WDR7: variants seen among roughly 807,000 people sequenced by gnomAD.
WDR7 encodes the protein WD repeat domain 7.
In WDR7, 46 loss-of-function variants were observed where a neutral mutation model predicts 169.4. That is an observed-to-expected ratio of 0.27 (90% CI 0.21 to 0.35). The LOEUF is 0.35. Among genes scored for constraint, WDR7 ranks in the 10% least tolerant of loss-of-function variants. The probability of loss-of-function intolerance (pLI) is 1.00; values close to 1 mark genes in which losing one functional copy is unlikely to be tolerated. For synonymous variants in WDR7, 612 were observed against 666.8 expected (o/e 0.92, Z 1.27); for missense variants, 1,534 against 1,859.3 (o/e 0.83, Z 3.22).
chr18:56,909,003 T>C lies in WDR7; in HGVS notation c.3527-14919T>C, dbSNP rs77628699. 3.9e-3 allele frequency among the ~76,000 whole-genome samples: 589 copies of C among 152,294 alleles called. 3 individuals are homozygous for C. The highest frequency in any genetic ancestry group is 6.2e-3 in the South Asian group (30 of 4,824). On this transcript the variant is annotated intron_variant, in intron 21 of 27. Transcript: ENST00000254442. Reference sequence around the variant, plus strand: ...AAGGAACCGTTTATCTGTACATATGTACAGGAGTATGGAGGGAGAGGCATA... The same window carrying C: ...AAGGAACCGTTTATCTGTACATATGCACAGGAGTATGGAGGGAGAGGCATA...
At chr18:56,916,507 C>T (rs184925189) in intron 21 of WDR7, among the ~76,000 whole-genome samples, 8 of 152,002 alleles carry the variant, frequency 5.3e-5, no homozygotes, top group Non-Finnish European at 1.0e-4. Flanking sequence ...TTTCTTAATC[C>T]GGAACTTAGA....
chr18:56,960,326 CTAAG>C (rs747730798), intron 25 of WDR7, among the ~76,000 whole-genome samples: 2 of 152,098 alleles, frequency 1.3e-5, no homozygotes, highest in Non-Finnish European at 2.9e-5. Context: ...TCTAGTTTCA[CTAAG>C]TAAGATTTTG....
chr18:56,878,994 A>G (rs1295371097), intron 20 of WDR7, among the ~76,000 whole-genome samples: 1 of 152,200 alleles, frequency 6.6e-6, no homozygotes, highest in Non-Finnish European at 1.5e-5. Flanking sequence ...AAATACTGCG[A>G]TTACTTTTGC....
intron 14 of WDR7, among the ~76,000 whole-genome samples, chr18:56,746,605 A>AT (rs1225576155): frequency 6.6e-6 from 1 of 152,042 alleles, no homozygotes; most frequent in Non-Finnish European, 1.5e-5. Context: ...GGCTACCTGA[A>AT]TTTTTCAAGT....
chr18:56,862,310 T>C (rs2045817437), intron 20 of WDR7, among the ~76,000 whole-genome samples: 1 of 151,662 alleles, frequency 6.6e-6, no homozygotes, highest in Non-Finnish European at 1.5e-5. Context: ...TTATCAATAA[T>C]GTTTATGTTG....
chr18:56,774,249 A>G (rs2044208799), intron 16 of WDR7, among the ~76,000 whole-genome samples: 1 of 152,054 alleles, frequency 6.6e-6, no homozygotes, highest in Non-Finnish European at 1.5e-5. Flanking sequence ...TCAATTAAAA[A>G]CTCAAATATT....
intron 21 of WDR7, among the ~76,000 whole-genome samples, chr18:56,899,378 A>G (rs1406459308): frequency 1.3e-5 from 2 of 152,106 alleles, no homozygotes; most frequent in Non-Finnish European, 2.9e-5. Context: ...ACATGAAATA[A>G]AGTTGAAACA....
rs1206892671 is a variant in WDR7 at position 57,029,734 on chromosome 18, CTA to C, written c.*2529_*2530del. On this transcript the variant is annotated 3_prime_UTR_variant, in exon 28 of 28. Coordinates refer to ENST00000254442, the MANE Select transcript of WDR7 (RefSeq NM_015285.3). Reference sequence around the variant, plus strand: ...TCTTAATGATTCCACTTAATAGACTCTATGTGTGCTGAATGTTCCTGTGTACA... The same window carrying C: ...TCTTAATGATTCCACTTAATAGACTCTGTGTGCTGAATGTTCCTGTGTACA... 2.6e-5 allele frequency: 4 copies of C among 152,182 alleles called. No individual in the cohort carries two copies. Among genetic ancestry groups the C allele is most frequent in the East Asian group, 3.9e-4 (2 of 5,192 alleles). 9.4% of individuals were successfully genotyped at this position (152,182 alleles called of 1,614,324 possible).
chr18:56,852,797 C>T (rs1313913369), intron 20 of WDR7, among the ~76,000 whole-genome samples: 1 of 152,090 alleles, frequency 6.6e-6, no homozygotes. Flanking sequence ...TGGATATTTA[C>T]ATTCATTTGA....
intron 14 of WDR7, among the ~76,000 whole-genome samples, chr18:56,756,081 TC>T (rs749809277): frequency 1.3e-5 from 2 of 152,128 alleles, no homozygotes; most frequent in Non-Finnish European, 2.9e-5. Flanking sequence ...TTTTAAAGGA[TC>T]TAAGTAGACT....
At chr18:56,936,068 C>T (rs2046957138) in intron 23 of WDR7, 163 bp downstream of exon 23, 4 of 601,188 alleles carry the variant, frequency 6.7e-6, no homozygotes, top group Non-Finnish European at 1.1e-5. Flanking sequence ...TGTGCATGTA[C>T]ACTGAATTCC....
At chr18:56,903,757 T>C (rs2046437223) in intron 21 of WDR7, among the ~76,000 whole-genome samples, 1 of 152,172 alleles carries the variant, frequency 6.6e-6, no homozygotes, top group Admixed American at 6.5e-5. Context: ...TTTGGTGTTC[T>C]GTCAGATTCA....
At chr18:56,873,003 A>G (rs2045974167) in intron 20 of WDR7, among the ~76,000 whole-genome samples, 1 of 152,210 alleles carries the variant, frequency 6.6e-6, no homozygotes, top group Non-Finnish European at 1.5e-5. Context: ...TCCAAATTTG[A>G]AAAATTATAG....
downstream of WDR7, chr18:57,032,842 T>C (rs4486994): frequency 0.35 from 42,744 of 121,790 alleles, 8,358 homozygotes; most frequent in East Asian, 0.55. Flanking sequence ...TATATATATA[T>C]ATACAGTGTA....
chr18:56,795,357 G>A (rs6566836), intron 19 of WDR7, among the ~76,000 whole-genome samples: 147,052 of 152,244 alleles, frequency 0.97, 71,221 homozygotes, highest in East Asian at 1. Flanking sequence ...TTTTAAGATC[G>A]CAAAAAGTGC....
intron 26 of WDR7, among the ~76,000 whole-genome samples, chr18:56,988,044 T>C (rs1456048671): frequency 3.9e-5 from 6 of 152,216 alleles, no homozygotes; most frequent in African/African-American, 1.4e-4. Flanking sequence ...TTAACAAATT[T>C]CTCTAAAAAT....
At chr18:56,794,302 C>CTCTTTTTTTTT (rs1217568621) in intron 19 of WDR7, among the ~76,000 whole-genome samples, 1 of 29,466 alleles carries the variant, frequency 3.4e-5, no homozygotes, top group Non-Finnish European at 9.1e-5. Flanking sequence ...AAGGTAAAGT[C>CTCTTTTTTTTT]TATTTTTTTT....
At chr18:56,794,605 G>A (rs570495459) in intron 19 of WDR7, among the ~76,000 whole-genome samples, 9 of 151,900 alleles carry the variant, frequency 5.9e-5, no homozygotes, top group East Asian at 1.9e-4. Context: ...CACCGTGCCC[G>A]GCCAGATAAA....
In WDR7 at chr18:56,672,608, G is replaced by T; in HGVS notation, c.93G>T (p.Gly31=). 6.2e-7 allele frequency: 1 copy of T among 1,613,112 alleles called. No homozygotes were observed. Among genetic ancestry groups the T allele is most frequent in the East Asian group, 2.2e-5 (1 of 44,788 alleles). The change falls in exon 2 of 28, where the codon GGG becomes GGT. Residue 31 remains glycine (G), a synonymous_variant. Coordinates refer to ENST00000254442, the MANE Select transcript of WDR7 (RefSeq NM_015285.3). ...CISAVLLTDD[G]ATIVTGCHDG... is the part of the protein sequence containing the mutation. ...CAGCCGTACTTTTAACAGATGATGG[G>T]GCCACGATCGTAACAGGATGTCACG...
Sources: gnomAD v4.1 joint callset for allele counts (sites outside exome capture counted in the v4.1 genomes callset) on GRCh38, gnomAD v4.1.1 for gene constraint, MANE v1.5 for transcripts, NCBI Gene and HGNC (gene_info 2026-07-23, HGNC 2026-07-21) for gene names.